ELOVL2: variants seen among roughly 807,000 people sequenced by gnomAD.
The protein encoded by ELOVL2 is ELOVL fatty acid elongase 2, also known as very long chain fatty acid elongase 2.
Under a neutral mutation model 37.7 loss-of-function variants are expected in ELOVL2, and 38 were observed. The ratio of observed to expected loss-of-function variants is 1.01; its 90% confidence interval spans 0.78 to 1.32. ELOVL2 has a LOEUF of 1.32. Ranked by LOEUF, ELOVL2 falls within the 40% of genes most tolerant of loss-of-function variation. ELOVL2 has a pLI of 0.00. For synonymous variants in ELOVL2, 115 were observed against 122.3 expected (o/e 0.94, Z 0.40); for missense variants, 352 against 363.6 (o/e 0.97, Z 0.26).
intron 3 of ELOVL2, among the ~76,000 whole-genome samples, chr6:11,001,024 G>T (rs1310272182): frequency 6.6e-6 from 1 of 152,126 alleles, no homozygotes; most frequent in Non-Finnish European, 1.5e-5. Flanking sequence ...AAGGCATTTG[G>T]GATTGATTTG....
chr6:11,036,560 C>A (rs1204282077), intron 1 of ELOVL2, among the ~76,000 whole-genome samples: 1 of 152,174 alleles, frequency 6.6e-6, no homozygotes, highest in African/African-American at 2.4e-5. Flanking sequence ...GAAAGCACAG[C>A]CAACTGAGTA....
chr6:11,030,858 T>TA (rs1356097846), intron 1 of ELOVL2, among the ~76,000 whole-genome samples: 1 of 152,186 alleles, frequency 6.6e-6, no homozygotes. Flanking sequence ...ACACAACTGA[T>TA]AAAGTTCTCA....
chr6:11,040,567 A>G (rs1166636906), intron 1 of ELOVL2, among the ~76,000 whole-genome samples: 1 of 152,218 alleles, frequency 6.6e-6, no homozygotes, highest in Non-Finnish European at 1.5e-5. Flanking sequence ...TTTAAATATG[A>G]TTAGTAGAAA....
chr6:10,983,750 C>A lies in ELOVL2; in HGVS notation c.*31G>T. On this transcript the variant is annotated 3_prime_UTR_variant, in exon 8 of 8. Transcript: ENST00000354666. ...CTTTAAAACAAGCCAATCTGTTAGGCTAGTATATGTGCTTTTTCTGTTACT... is the reference window on the plus strand; with the variant it reads ...CTTTAAAACAAGCCAATCTGTTAGGATAGTATATGTGCTTTTTCTGTTACT... 1 of 1,580,122 alleles carries A rather than the reference C, an allele frequency of 6.3e-7. No individual in the cohort carries two copies. The highest frequency in any genetic ancestry group is 8.6e-7 in the Non-Finnish European group (1 of 1,165,046).
chr6:11,020,604 A>G (rs1782752050), intron 1 of ELOVL2, among the ~76,000 whole-genome samples: 2 of 152,290 alleles, frequency 1.3e-5, no homozygotes, highest in South Asian at 4.1e-4. Flanking sequence ...ATCTGCTAAC[A>G]TACCTCAGAG....
intron 5 of ELOVL2, 25 bp downstream of exon 5, chr6:10,994,982 C>T (rs780896280): frequency 2.1e-5 from 32 of 1,553,912 alleles, no homozygotes; most frequent in Middle Eastern, 1.7e-4. Flanking sequence ...TTCCTCAAAA[C>T]GGAAAAATTA....
chr6:11,008,043 G>A (rs1782508793), intron 2 of ELOVL2, among the ~76,000 whole-genome samples: 1 of 152,132 alleles, frequency 6.6e-6, no homozygotes, highest in South Asian at 2.1e-4. Flanking sequence ...TATTTGCTCA[G>A]AACAATACCC....
intron 1 of ELOVL2, among the ~76,000 whole-genome samples, chr6:11,033,952 T>A (rs1187085259): frequency 6.6e-6 from 1 of 152,176 alleles, no homozygotes; most frequent in Non-Finnish European, 1.5e-5. Flanking sequence ...GCCACCAGTT[T>A]TGAGTGTTTA....
rs1581853945 is a variant in ELOVL2 at position 10,983,235 on chromosome 6, C to T, written c.*546G>A. ...ATCTGATAGACAAGACTCTGGCTTA[C>T]AGAAAGAGAAGTTTTGCTAGATTTT... On this transcript the variant is annotated 3_prime_UTR_variant, in exon 8 of 8. Coordinates refer to ENST00000354666, the MANE Select transcript of ELOVL2 (RefSeq NM_017770.4). The T allele has an allele frequency of 1.3e-5, 2 of 152,266 alleles. No homozygotes were observed. The highest frequency in any genetic ancestry group is 1.5e-5 in the Non-Finnish European group (1 of 68,022). 9.4% of individuals were successfully genotyped at this position (152,266 alleles called of 1,614,324 possible). A position where few individuals can be genotyped will look rare whatever the true frequency, so the allele number is the denominator to read the frequency against.
intron 1 of ELOVL2, among the ~76,000 whole-genome samples, chr6:11,018,317 T>A (rs1391343201): frequency 6.6e-6 from 1 of 152,140 alleles, no homozygotes; most frequent in Non-Finnish European, 1.5e-5. Context: ...CAACCTATAC[T>A]AAAAAATGTG....
rs537092324 is a variant in ELOVL2, at chr6:10,989,325, A to C, written c.765+378T>G. Among the ~76,000 whole-genome samples the C allele has an allele frequency of 3.3e-5, 5 of 152,340 alleles. No individual in the cohort carries two copies. The South Asian group carries it at 1.0e-3, about 32-fold the overall frequency. ...ACAAGCATGTGCTACTATAATATTTAATCAGTAAAATTAAACAAATATGTA... is the reference window on the plus strand; with the variant it reads ...ACAAGCATGTGCTACTATAATATTTCATCAGTAAAATTAAACAAATATGTA... On this transcript the variant is annotated intron_variant, in intron 7 of 7. Transcript: ENST00000354666.
At position 11,044,265 on chromosome 6, in the gene ELOVL2, G is replaced by T; in HGVS notation, c.-35C>A. On this transcript the variant is annotated 5_prime_UTR_variant, in exon 1 of 8. Coordinates refer to ENST00000354666, the MANE Select transcript of ELOVL2 (RefSeq NM_017770.4). This position sits in a 1 kb window ranked among gnomAD's most constrained non-coding sequence, Gnocchi z 5.6. ...CGGCTGTGGCGCGGCGACCCGGGCG[G>T]GCGGCGATGCGCTGTCCAGGGTAGC... 1 of 1,323,720 alleles carries T rather than the reference G, an allele frequency of 7.6e-7. No individual in the cohort carries two copies. The highest frequency in any genetic ancestry group is 3.1e-5 in the East Asian group (1 of 32,276). 82.0% of individuals were successfully genotyped at this position (1,323,720 alleles called of 1,614,324 possible).
chr6:11,000,000 C>T, intron 4 of ELOVL2, 87 bp downstream of exon 4: 3 of 1,175,960 alleles, frequency 2.6e-6, no homozygotes, highest in Non-Finnish European at 3.8e-6. Context: ...TAATTCTAGC[C>T]TCAGCCCTCT....
At chr6:11,036,537 C>T (rs939059607) in intron 1 of ELOVL2, among the ~76,000 whole-genome samples, 2 of 152,152 alleles carry the variant, frequency 1.3e-5, no homozygotes, top group Admixed American at 6.5e-5. Flanking sequence ...ATTTCGACTG[C>T]GTTGCCCCGG....
chr6:11,020,713 T>TC (rs1782753831), intron 1 of ELOVL2, among the ~76,000 whole-genome samples: 3 of 152,228 alleles, frequency 2.0e-5, no homozygotes, highest in Admixed American at 6.5e-5. Flanking sequence ...TAGTCTGTCC[T>TC]AAGTGCTGGT....
In ELOVL2 at chr6:10,990,302, A is replaced by G; in HGVS notation, c.630+16T>C. 1 of 1,606,568 alleles carries G rather than the reference A, an allele frequency of 6.2e-7. No individual in the cohort carries two copies. Among genetic ancestry groups the G allele is most frequent in the Non-Finnish European group, 8.5e-7 (1 of 1,178,122 alleles). On this transcript the variant is annotated intron_variant, in intron 6 of 7. Transcript: ENST00000354666. The stretch of plus-strand genomic sequence containing the variant: ...ATAAGCCACATGGAGAAAAGCTAAA[A>G]GAAGGGACAACATACCAGCTGAGCC...
chr6:11,010,900 C>T, intron 1 of ELOVL2, 91 bp from the exon 2 acceptor site: 2 of 983,996 alleles, frequency 2.0e-6, no homozygotes, highest in East Asian at 2.4e-5. Context: ...ATGTAACTGA[C>T]AGACTTTCAA....
At chr6:10,993,248 G>A (rs949302320) in intron 5 of ELOVL2, among the ~76,000 whole-genome samples, 9 of 152,118 alleles carry the variant, frequency 5.9e-5, no homozygotes, top group Non-Finnish European at 1.2e-4. Context: ...CCAGGAATTG[G>A]GTTCTTTTGT....
intron 1 of ELOVL2, among the ~76,000 whole-genome samples, chr6:11,013,987 A>G (rs7743830): frequency 0.54 from 82,607 of 151,922 alleles, 23,612 homozygotes; most frequent in East Asian, 0.91. Flanking sequence ...AAATAACCCT[A>G]GATCCACTTC....
Sources: gnomAD v4.1 joint callset for allele counts (sites outside exome capture counted in the v4.1 genomes callset) on GRCh38, gnomAD v4.1.1 for gene constraint, Gnocchi (gnomAD v3.1) non-coding constraint, MANE v1.5 for transcripts, NCBI Gene and HGNC (gene_info 2026-07-23, HGNC 2026-07-21) for gene names.